MEI4: variants seen among roughly 807,000 people sequenced by gnomAD.
MEI4 encodes meiotic double-stranded break formation protein 4.
A neutral mutation model predicts 31.4 loss-of-function variants in MEI4; 27 were observed. The ratio of observed to expected loss-of-function variants is 0.86; its 90% CI spans 0.63 to 1.19. MEI4 has a LOEUF of 1.19. Among genes scored for constraint, MEI4 ranks in the 50% most tolerant of loss-of-function variants. The pLI, the probability that MEI4 is intolerant of heterozygous loss-of-function variation, is 0.00. For synonymous variants in MEI4, 122 were observed against 145.4 expected (o/e 0.84, Z 1.16); for missense variants, 329 against 398.9 (o/e 0.82, Z 1.49).
upstream of MEI4, among the ~76,000 whole-genome samples, chr6:77,651,353 A>G (rs1040608165): frequency 5.3e-5 from 8 of 152,174 alleles, no homozygotes; most frequent in South Asian, 1.4e-3. Flanking sequence ...TTGGACTGAA[A>G]AGCTTTGAAT....
intron 2 of MEI4, among the ~76,000 whole-genome samples, chr6:77,738,745 C>T (rs1767319414): frequency 1.3e-5 from 2 of 152,208 alleles, no homozygotes; most frequent in South Asian, 4.1e-4. Flanking sequence ...CACATCCTCT[C>T]CAGCATCTGT....
chr6:77,661,231 T>G (rs1464331028), intron 1 of MEI4, among the ~76,000 whole-genome samples: 1 of 151,978 alleles, frequency 6.6e-6, no homozygotes, highest in Non-Finnish European at 1.5e-5. Context: ...CTACCTTTCT[T>G]GAAGATTGAG....
intron 4 of MEI4, among the ~76,000 whole-genome samples, chr6:77,915,695 C>A (rs1244964072): frequency 6.6e-6 from 1 of 151,816 alleles, no homozygotes; most frequent in Non-Finnish European, 1.5e-5. Context: ...TATATAATGA[C>A]CTTCTTTGTT....
intron 4 of MEI4, among the ~76,000 whole-genome samples, chr6:77,906,436 A>C (rs796327738): frequency 6.6e-6 from 1 of 152,136 alleles, no homozygotes; most frequent in Admixed American, 6.6e-5. Context: ...AGTTCTATCA[A>C]CTGATGTCAA....
At chr6:77,909,133 C>A (rs188165679) in intron 4 of MEI4, among the ~76,000 whole-genome samples, 4 of 152,050 alleles carry the variant, frequency 2.6e-5, no homozygotes, top group Non-Finnish European at 5.9e-5. Flanking sequence ...TGTAAAAGAA[C>A]AGAAATTATA....
In MEI4 at chr6:77,732,960, C is replaced by T. The variant is rs1317812783; in HGVS notation, c.233-28170C>T. On this transcript the variant is annotated intron_variant, in intron 2 of 4. Transcript: ENST00000684080. ...ATTTGCATATATTGAACCAGCCTTGCATCCCAGGGATGAAGCCCACTTGAT... is the reference window on the plus strand; with the variant it reads ...ATTTGCATATATTGAACCAGCCTTGTATCCCAGGGATGAAGCCCACTTGAT... Among the ~76,000 whole-genome samples, 3 of 151,158 alleles carry T rather than the reference C, an allele frequency of 2.0e-5. 1 individual carries two copies. The highest frequency in any genetic ancestry group is 4.3e-4 in the East Asian group (2 of 4,636).
intron 4 of MEI4, among the ~76,000 whole-genome samples, chr6:77,868,184 A>T (rs888115815): frequency 1.4e-4 from 21 of 151,574 alleles, no homozygotes; most frequent in African/African-American, 4.4e-4. Flanking sequence ...TAACCTGCAC[A>T]TTGTACACAT....
chr6:77,868,125 G>A (rs1378249765), intron 4 of MEI4, among the ~76,000 whole-genome samples: 1 of 151,112 alleles, frequency 6.6e-6, no homozygotes, highest in African/African-American at 2.4e-5. Context: ...TTTAAATGAC[G>A]AATTAATGGG....
chr6:77,865,847 C>G (rs1215424220), intron 4 of MEI4, among the ~76,000 whole-genome samples: 1 of 152,066 alleles, frequency 6.6e-6, no homozygotes, highest in Non-Finnish European at 1.5e-5. Context: ...ACTGGCAAAC[C>G]GAATCCAGCA....
chr6:77,726,768 C>CT (rs1582063918), intron 2 of MEI4, among the ~76,000 whole-genome samples: 1 of 152,168 alleles, frequency 6.6e-6, no homozygotes, highest in Admixed American at 6.5e-5. Context: ...AGAGAATGGA[C>CT]TAGGATGCTA....
At chr6:77,864,938 C>T (rs1002804390) in intron 4 of MEI4, among the ~76,000 whole-genome samples, 48 of 152,126 alleles carry the variant, frequency 3.2e-4, no homozygotes, top group Non-Finnish European at 5.9e-4. Flanking sequence ...CACTCAAAAC[C>T]GCTCAACTAC....
intron 4 of MEI4, among the ~76,000 whole-genome samples, chr6:77,922,212 T>C (rs551253631): frequency 9.4e-4 from 143 of 151,830 alleles, no homozygotes; most frequent in Non-Finnish European, 1.7e-3. Context: ...GTGAAAATAT[T>C]TCGTAAATGT....
At chr6:77,755,226 AC>A in intron 2 of MEI4, among the ~76,000 whole-genome samples, 1 of 152,184 alleles carries the variant, frequency 6.6e-6, no homozygotes, top group Admixed American at 6.6e-5. Flanking sequence ...ATAATTAAGT[AC>A]ACTTAACTTA....
At chr6:77,748,113 G>C (rs1384110556) in intron 2 of MEI4, among the ~76,000 whole-genome samples, 1 of 152,202 alleles carries the variant, frequency 6.6e-6, no homozygotes, top group Non-Finnish European at 1.5e-5. Flanking sequence ...CACAGTGCAA[G>C]CTGTTGGTGG....
intron 3 of MEI4, among the ~76,000 whole-genome samples, chr6:77,813,462 C>G (rs1009956339): frequency 2.0e-5 from 3 of 151,804 alleles, no homozygotes; most frequent in Middle Eastern, 3.2e-3. Context: ...TGTCTCTTGA[C>G]TGTCCCCAGA....
At chr6:77,775,563 C>G (rs1561983768) in intron 3 of MEI4, among the ~76,000 whole-genome samples, 1 of 152,010 alleles carries the variant, frequency 6.6e-6, no homozygotes, top group Non-Finnish European at 1.5e-5. Flanking sequence ...TTATATACCA[C>G]AATTTCTTTA....
intron 4 of MEI4, among the ~76,000 whole-genome samples, chr6:77,917,378 G>T (rs1274396103): frequency 2.0e-5 from 3 of 150,840 alleles, no homozygotes; most frequent in Admixed American, 2.0e-4. Flanking sequence ...CTAGTTTACA[G>T]TCCCACCAAC....
chr6:77,681,771 G>T (rs1171227938), intron 1 of MEI4, among the ~76,000 whole-genome samples: 1 of 152,120 alleles, frequency 6.6e-6, no homozygotes, highest in Admixed American at 6.5e-5. Flanking sequence ...ATGATAGATA[G>T]TTGATTTGTT....
intron 1 of MEI4, among the ~76,000 whole-genome samples, chr6:77,657,714 C>G (rs570811571): frequency 2.6e-5 from 4 of 152,240 alleles, no homozygotes; most frequent in African/African-American, 9.6e-5. Flanking sequence ...ACCCTATTTT[C>G]TTTTATTCCC....
Sources: allele counts gnomAD v4.1 joint callset (sites outside exome capture counted in the v4.1 genomes callset), GRCh38; gene constraint gnomAD v4.1.1; transcripts MANE v1.5; gene names NCBI Gene and HGNC (gene_info 2026-07-23, HGNC 2026-07-21).